The following SLC25A48 variants were observed in gnomAD, a reference collection of about 807,000 sequenced individuals.
The protein encoded by SLC25A48 is solute carrier family 25 member 48, also known as CTC-321K16.1.
SLC25A48 carries 29 observed loss-of-function variants against 32.2 expected under a neutral mutation model. The observed-to-expected ratio is 0.90, with a 90% CI of 0.67 to 1.23. The LOEUF is 1.23. Ranked by LOEUF, SLC25A48 falls within the 50% of genes most tolerant of loss-of-function variation. SLC25A48 has a pLI of 0.00. For synonymous variants in SLC25A48, 164 were observed against 172.3 expected, an observed-to-expected ratio of 0.95 and a Z score of 0.38; for missense variants, 399 against 422.7, an observed-to-expected ratio of 0.94 and a Z score of 0.49.
intron 3 of SLC25A48, chr5:135,742,374 C>T (rs1429223177): frequency 3.6e-6 from 4 of 1,106,296 alleles, no homozygotes; most frequent in Admixed American, 5.9e-5. Context: ...AATCACCACA[C>T]CTGGCCTAGG....
intron 3 of SLC25A48, among the ~76,000 whole-genome samples, chr5:135,720,247 A>G (rs1006199379): frequency 2.6e-5 from 4 of 152,178 alleles, no homozygotes; most frequent in African/African-American, 9.7e-5. Context: ...CTGAGGTAAG[A>G]CAGCTGCTGG....
At chr5:135,778,445 C>A (rs575888538) in intron 3 of SLC25A48, among the ~76,000 whole-genome samples, 2 of 151,680 alleles carry the variant, frequency 1.3e-5, no homozygotes, top group Non-Finnish European at 2.9e-5. Flanking sequence ...GTGTACACCG[C>A]CACCCCACCC....
intron 3 of SLC25A48, among the ~76,000 whole-genome samples, chr5:135,785,258 T>C (rs1050380973): frequency 1.3e-5 from 2 of 152,042 alleles, no homozygotes; most frequent in Non-Finnish European, 2.9e-5. Context: ...GGGGAGATGG[T>C]GATATTATTC....
At chr5:135,820,920 G>C (rs763153879) in intron 4 of SLC25A48, among the ~76,000 whole-genome samples, 14 of 152,200 alleles carry the variant, frequency 9.2e-5, no homozygotes, top group Non-Finnish European at 1.3e-4. Flanking sequence ...GGAGAACCCG[G>C]CTGGGTCACT....
At chr5:135,679,524 C>T (rs924430806) in intron 3 of SLC25A48, among the ~76,000 whole-genome samples, 1 of 152,196 alleles carries the variant, frequency 6.6e-6, no homozygotes, top group Admixed American at 6.5e-5. Flanking sequence ...GATGAGCATG[C>T]ACTTTGCTTA....
chr5:135,846,537 C>G (rs796260299), intron 2 of SLC25A48, among the ~76,000 whole-genome samples: 13 of 152,206 alleles, frequency 8.5e-5, no homozygotes, highest in African/African-American at 2.9e-4. Flanking sequence ...GAGGCTTCAG[C>G]CACCTCACCT....
chr5:135,787,841 A>C (rs886389198), intron 3 of SLC25A48, among the ~76,000 whole-genome samples: 4 of 151,580 alleles, frequency 2.6e-5, no homozygotes, highest in African/African-American at 4.8e-5. Context: ...ATTATTCTTA[A>C]TATCCTAGGT....
chr5:135,738,719 C>T (rs1472305669), intron 3 of SLC25A48, among the ~76,000 whole-genome samples: 1 of 152,222 alleles, frequency 6.6e-6, no homozygotes, highest in Admixed American at 6.5e-5. Flanking sequence ...CTCGCACACT[C>T]AGTCCTGAAA....
At chr5:135,642,180 T>C (rs1173958950) in intron 3 of SLC25A48, among the ~76,000 whole-genome samples, 2 of 152,258 alleles carry the variant, frequency 1.3e-5, no homozygotes, top group African/African-American at 2.4e-5. Context: ...TGATGGTGGC[T>C]GTCATAGTGG....
At chr5:135,626,129 C>T (rs566962598) in intron 1 of SLC25A48, among the ~76,000 whole-genome samples, 3 of 152,342 alleles carry the variant, frequency 2.0e-5, no homozygotes, top group South Asian at 2.1e-4. Context: ...GAGGCTGGGA[C>T]GCCAAGGGCC....
chr5:135,622,669 G>C (rs1752351503), intron 1 of SLC25A48, among the ~76,000 whole-genome samples: 1 of 152,084 alleles, frequency 6.6e-6, no homozygotes. Flanking sequence ...TATGTTAATG[G>C]TGTTTACATC....
chr5:135,662,229 T>C (rs1003760678), intron 3 of SLC25A48, among the ~76,000 whole-genome samples: 6 of 152,172 alleles, frequency 3.9e-5, no homozygotes, highest in African/African-American at 1.4e-4. Flanking sequence ...GCCATCTGCA[T>C]CTCATGAAAT....
intron 3 of SLC25A48, among the ~76,000 whole-genome samples, chr5:135,665,127 TA>T (rs1753490167): frequency 6.6e-6 from 1 of 152,248 alleles, no homozygotes; most frequent in African/African-American, 2.4e-5. Flanking sequence ...CTTGTAAAAG[TA>T]AGGTGGTATG....
chr5:135,877,651 T>G (rs1032533251), intron 6 of SLC25A48, among the ~76,000 whole-genome samples: 3 of 152,174 alleles, frequency 2.0e-5, no homozygotes, highest in Non-Finnish European at 4.4e-5. Flanking sequence ...AGGCAAACCA[T>G]CCACACAGCC....
At chr5:135,687,147 G>C (rs1580785163) in intron 3 of SLC25A48, among the ~76,000 whole-genome samples, 1 of 152,172 alleles carries the variant, frequency 6.6e-6, no homozygotes. Context: ...GGGAACCAGG[G>C]AGACTGAAAG....
intron 3 of SLC25A48, among the ~76,000 whole-genome samples, chr5:135,739,554 ATGGCC>A (rs764059229): frequency 6.6e-6 from 1 of 152,208 alleles, no homozygotes; most frequent in East Asian, 1.9e-4. Flanking sequence ...CTAACAGGGA[ATGGCC>A]TTGCATAGAG....
rs572906824 is a variant in SLC25A48 at position 135,667,322 on chromosome 5, C to T, written c.-521+32366C>T. On this transcript the variant is annotated intron_variant, in intron 3 of 10. Coordinates refer to the SLC25A48 transcript ENST00000646290. ...AGGCCATTCTAAAAAGGATTGCCTG[C>T]GTGTCCTGCAAACTGGCAAAACAAA... Among the ~76,000 whole-genome samples, 13 of 152,230 alleles carry T rather than the reference C, an allele frequency of 8.5e-5. No homozygotes were observed. The Middle Eastern group carries it at 0.01, about 119-fold the overall frequency.
At chr5:135,773,104 G>A (rs1232686776) in intron 3 of SLC25A48, among the ~76,000 whole-genome samples, 1 of 151,026 alleles carries the variant, frequency 6.6e-6, no homozygotes, top group East Asian at 1.9e-4. Context: ...TATCGCAGGG[G>A]GTGTACAATC....
upstream of SLC25A48, among the ~76,000 whole-genome samples, chr5:135,830,241 T>C (rs1158917071): frequency 2.0e-5 from 3 of 152,200 alleles, no homozygotes; most frequent in Non-Finnish European, 4.4e-5. Context: ...ACGCTTGTCT[T>C]TTCCGCCCGA....
Sources: gnomAD v4.1 joint callset for allele counts (sites outside exome capture counted in the v4.1 genomes callset) on GRCh38, gnomAD v4.1.1 for gene constraint, MANE v1.5 for transcripts, NCBI Gene and HGNC (gene_info 2026-07-23, HGNC 2026-07-21) for gene names.